Variants in CNTN5 observed in about 807,000 individuals in gnomAD.
The protein encoded by CNTN5 is contactin-5.
CNTN5 carries 77 observed loss-of-function variants against 129.1 expected under a neutral mutation model. The observed-to-expected ratio is 0.60, with a 90% CI of 0.50 to 0.72. The LOEUF (loss-of-function observed/expected upper bound fraction) is 0.72, where lower values mean the gene tolerates loss of function less well. Among genes scored for constraint, CNTN5 ranks in the 30% least tolerant of loss-of-function variants. The probability of loss-of-function intolerance (pLI) is 0.00; values close to 1 mark genes in which losing one functional copy is unlikely to be tolerated. For missense variants in CNTN5, 1,478 were observed against 1,328.8 expected, an observed-to-expected ratio of 1.11 and a Z score of -1.75; for synonymous variants, 509 against 465.6, an observed-to-expected ratio of 1.09 and a Z score of -1.20.
At chr11:99,857,309 C>A (rs529943226) in intron 6 of CNTN5, among the ~76,000 whole-genome samples, 1 of 152,066 alleles carries the variant, frequency 6.6e-6, no homozygotes, top group South Asian at 2.1e-4. Flanking sequence ...TCATAGTCAA[C>A]ACTTGGTGAA....
chr11:99,423,851 G>A (rs1477320286), intron 2 of CNTN5, among the ~76,000 whole-genome samples: 1 of 152,106 alleles, frequency 6.6e-6, no homozygotes, highest in Non-Finnish European at 1.5e-5. Flanking sequence ...TTTCGACTAG[G>A]GTGGGTATGG....
chr11:99,508,323 TG>T (rs1458208842), intron 2 of CNTN5, among the ~76,000 whole-genome samples: 1 of 152,300 alleles, frequency 6.6e-6, no homozygotes, highest in East Asian at 1.9e-4. Context: ...CCCCAGCTAC[TG>T]GGTAATATTT....
intron 3 of CNTN5, among the ~76,000 whole-genome samples, chr11:99,630,347 A>G (rs138295762): frequency 0.042 from 6,405 of 152,132 alleles, 186 homozygotes; most frequent in South Asian, 0.094. Flanking sequence ...TTTTCAGGAC[A>G]TCAGGGTGGC....
chr11:99,954,769 G>A (rs1356791655), intron 7 of CNTN5, among the ~76,000 whole-genome samples: 2 of 152,114 alleles, frequency 1.3e-5, no homozygotes, highest in Non-Finnish European at 2.9e-5. Context: ...AAAATCCACT[G>A]CAAACTCAGG....
chr11:100,033,000 A>T lies in CNTN5; in HGVS notation c.981-28212A>T, dbSNP rs7122867. 7.6e-3 allele frequency among the ~76,000 whole-genome samples: 1,163 copies of T among 152,324 alleles called. 15 individuals carry two copies. The highest frequency in any genetic ancestry group is 0.027 in the African/African-American group (1,134 of 41,566). ...ATTATAAAAGACTATATACTTTTAT[A>T]AAACTCTGTGCTGATGAAAACAAGT... On this transcript the variant is annotated intron_variant, in intron 9 of 24. Transcript: ENST00000524871.
intron 2 of CNTN5, among the ~76,000 whole-genome samples, chr11:99,466,203 T>G (rs1355476317): frequency 1.3e-5 from 2 of 151,994 alleles, no homozygotes; most frequent in Non-Finnish European, 1.5e-5. Context: ...TAAACAACCA[T>G]ATCACATGAG....
At chr11:99,450,316 A>G (rs1384765976) in intron 2 of CNTN5, among the ~76,000 whole-genome samples, 1 of 151,204 alleles carries the variant, frequency 6.6e-6, no homozygotes, top group Non-Finnish European at 1.5e-5. Context: ...GTATACACAT[A>G]TATTGTGTAT....
chr11:100,243,110 T>A (rs1027154765), intron 16 of CNTN5, among the ~76,000 whole-genome samples: 2 of 152,224 alleles, frequency 1.3e-5, no homozygotes, highest in African/African-American at 4.8e-5. Flanking sequence ...CACCTCACCC[T>A]GTTCTTTGTA....
intron 13 of CNTN5, among the ~76,000 whole-genome samples, chr11:100,133,118 C>T (rs906856993): frequency 1.3e-5 from 2 of 152,008 alleles, no homozygotes; most frequent in Non-Finnish European, 2.9e-5. Context: ...AAAATGACCA[C>T]ATAGATCAAA....
At chr11:99,835,215 A>G (rs1947265100) in intron 4 of CNTN5, among the ~76,000 whole-genome samples, 1 of 152,226 alleles carries the variant, frequency 6.6e-6, no homozygotes, top group African/African-American at 2.4e-5. Context: ...CATATGTTCA[A>G]AAAGGGTATG....
chr11:100,006,458 G>C (rs568113017), intron 9 of CNTN5, among the ~76,000 whole-genome samples: 1 of 152,078 alleles, frequency 6.6e-6, no homozygotes, highest in Non-Finnish European at 1.5e-5. Flanking sequence ...TAATGGTCCA[G>C]ATCCTTTGTT....
chr11:99,638,933 G>A (rs1951665579), intron 3 of CNTN5, among the ~76,000 whole-genome samples: 1 of 152,114 alleles, frequency 6.6e-6, no homozygotes, highest in Non-Finnish European at 1.5e-5. Context: ...ACTCTACTAG[G>A]CAGTGCCCCA....
chr11:100,153,605 A>G (rs1488676669), intron 13 of CNTN5, among the ~76,000 whole-genome samples: 2 of 152,116 alleles, frequency 1.3e-5, no homozygotes, highest in African/African-American at 2.4e-5. Context: ...TATTAATCAA[A>G]TGGCGTGAAT....
At chr11:99,686,913 C>T (rs560818538) in intron 3 of CNTN5, among the ~76,000 whole-genome samples, 2 of 152,278 alleles carry the variant, frequency 1.3e-5, no homozygotes, top group African/African-American at 4.8e-5. Context: ...CCTCACTCCA[C>T]AGCTCAAATG....
chr11:99,205,363 C>T (rs982568690), intron 1 of CNTN5, among the ~76,000 whole-genome samples: 1 of 152,140 alleles, frequency 6.6e-6, no homozygotes. Flanking sequence ...TCTACCTGCT[C>T]TAGAAGAGGT....
chr11:99,689,064 T>C (rs1360972450), intron 3 of CNTN5, among the ~76,000 whole-genome samples: 1 of 152,128 alleles, frequency 6.6e-6, no homozygotes, highest in Non-Finnish European at 1.5e-5. Flanking sequence ...CTCTAATGAA[T>C]ACACACATGC....
intron 1 of CNTN5, among the ~76,000 whole-genome samples, chr11:99,229,631 A>G (rs1860884017): frequency 6.6e-6 from 1 of 152,018 alleles, no homozygotes; most frequent in Non-Finnish European, 1.5e-5. Context: ...CTCAGAACAC[A>G]TAAGGAGAGC....
At chr11:99,621,078 A>G (rs969484244) in intron 3 of CNTN5, among the ~76,000 whole-genome samples, 2 of 152,208 alleles carry the variant, frequency 1.3e-5, no homozygotes, top group African/African-American at 4.8e-5. Flanking sequence ...TCTGTGGTAG[A>G]ACGGGCAACT....
At chr11:100,157,213 C>A (rs552642669) in intron 13 of CNTN5, among the ~76,000 whole-genome samples, 1 of 151,650 alleles carries the variant, frequency 6.6e-6, no homozygotes, top group Non-Finnish European at 1.5e-5. Context: ...GAAGTATAAA[C>A]ATTGAAAGAG....
Sources: allele counts gnomAD v4.1 joint callset (sites outside exome capture counted in the v4.1 genomes callset), GRCh38; gene constraint gnomAD v4.1.1; transcripts MANE v1.5; gene names NCBI Gene and HGNC (gene_info 2026-07-23, HGNC 2026-07-21).